Variants in PLEKHM2 observed in about 807,000 individuals in gnomAD.
The protein encoded by PLEKHM2 is pleckstrin homology and RUN domain containing M2.
In PLEKHM2, 77 loss-of-function variants were observed where a neutral mutation model predicts 116.3. The ratio of observed to expected loss-of-function variants is 0.66; its 90% CI spans 0.55 to 0.80. The LOEUF (loss-of-function observed/expected upper bound fraction) is 0.80, where lower values mean the gene tolerates loss of function less well. PLEKHM2 is among the 30% of genes least tolerant of loss of function. PLEKHM2 has a pLI of 0.00. For synonymous variants in PLEKHM2, 562 were observed against 571.0 expected (o/e 0.98, Z 0.22); for missense variants, 1,183 against 1,354.9 (o/e 0.87, Z 1.99).
At chr1:15,687,444 G>A (rs977580133) in intron 1 of PLEKHM2, among the ~76,000 whole-genome samples, 3 of 152,198 alleles carry the variant, frequency 2.0e-5, no homozygotes, top group Non-Finnish European at 4.4e-5. Flanking sequence ...AAAGTGCTGG[G>A]ATTACAGGCA....
rs1571047446 is a variant in PLEKHM2, at chr1:15,713,895, C to T, written c.61-2342C>T. On this transcript the variant is annotated intron_variant, in intron 1 of 19. Transcript: ENST00000375799. ...CCTCGTGATCCGCCCACCTCGGCCT[C>T]CCAAAGCGGTGGGATTACAGGCGTG... Among the ~76,000 whole-genome samples the T allele has an allele frequency of 2.0e-5, 3 of 151,054 alleles. No individual in the cohort carries two copies. The South Asian group carries it at 6.3e-4, about 32-fold the overall frequency.
At chr1:15,692,604 T>C (rs1571020372) in intron 1 of PLEKHM2, among the ~76,000 whole-genome samples, 1 of 152,104 alleles carries the variant, frequency 6.6e-6, no homozygotes, top group African/African-American at 2.4e-5. Flanking sequence ...ACTTTTTTCG[T>C]TTTTTGGTTT....
At chr1:15,702,485 A>T (rs1571032430) in intron 1 of PLEKHM2, among the ~76,000 whole-genome samples, 2 of 151,528 alleles carry the variant, frequency 1.3e-5, no homozygotes, top group Non-Finnish European at 1.5e-5. Context: ...GCACAATCTC[A>T]GCTCACTGTA....
chr1:15,692,308 A>C (rs1211896535), intron 1 of PLEKHM2, among the ~76,000 whole-genome samples: 1 of 152,210 alleles, frequency 6.6e-6, no homozygotes, highest in Non-Finnish European at 1.5e-5. Flanking sequence ...AAAGATTTAC[A>C]TAAAATAGTA....
rs137990328 is a variant in PLEKHM2 at position 15,718,106 on chromosome 1, C to T, written c.377+114C>T. 1,119 of 705,870 alleles carry T rather than the reference C, an allele frequency of 1.6e-3. 12 individuals carry two copies. The highest frequency in any genetic ancestry group is 0.012 in the East Asian group (451 of 36,500). The allele number at this position is 705,870 out of a possible 1,614,324, so 43.7% of individuals were successfully genotyped here. Reference sequence around the variant, plus strand: ...GTGCCACATCAGTGATGCCAGAGAGCCATTAGAACCTTGCCAGTAGCTGGG... The same window carrying T: ...GTGCCACATCAGTGATGCCAGAGAGTCATTAGAACCTTGCCAGTAGCTGGG... On this transcript the variant is annotated intron_variant, in intron 4 of 19. Coordinates refer to ENST00000375799, the MANE Select transcript of PLEKHM2 (RefSeq NM_015164.4).
At chr1:15,714,348 TAA>T (rs764341573) in intron 1 of PLEKHM2, among the ~76,000 whole-genome samples, 58 of 110,172 alleles carry the variant, frequency 5.3e-4, no homozygotes, top group Admixed American at 6.0e-4. Context: ...ATTTTGAAAT[TAA>T]AAAAAAAAAA....
chr1:15,714,838 A>G (rs1641412135), intron 1 of PLEKHM2, among the ~76,000 whole-genome samples: 1 of 152,218 alleles, frequency 6.6e-6, no homozygotes, highest in Non-Finnish European at 1.5e-5. Context: ...GCAGAACAGG[A>G]TATGGCTAAC....
intron 8 of PLEKHM2, 59 bp downstream of exon 8, chr1:15,725,604 C>G: frequency 8.1e-7 from 1 of 1,231,526 alleles, no homozygotes; most frequent in Non-Finnish European, 1.2e-6. Context: ...TGTCCACTCC[C>G]AGCATCAGCT....
At chr1:15,683,825 G>T (rs868771321), upstream of PLEKHM2, among the ~76,000 whole-genome samples, 3 of 149,958 alleles carry the variant, frequency 2.0e-5, no homozygotes, top group African/African-American at 7.4e-5. Context: ...CTCTGAGGAG[G>T]GCCGGTGTCC....
At chr1:15,711,133 A>C (rs1641323155) in intron 1 of PLEKHM2, among the ~76,000 whole-genome samples, 1 of 152,166 alleles carries the variant, frequency 6.6e-6, no homozygotes, top group Admixed American at 6.5e-5. Flanking sequence ...AGGCCAAGGC[A>C]GGAGGATCCC....
In PLEKHM2 at chr1:15,731,216, G is replaced by C; in HGVS notation, c.2424G>C (p.Pro808=). The change falls in exon 16 of 20, where the codon CCG becomes CCC. Residue 808 remains proline, a synonymous_variant. Coordinates refer to ENST00000375799, the MANE Select transcript of PLEKHM2 (RefSeq NM_015164.4). ...VLSNGILYQY[P]DRTDVIPLLS... is the part of the protein sequence containing the mutation. ...GCAACGGGATCCTCTACCAGTACCCGGACCGCACCGACGTCATCCCTCTGC... is the reference window on the plus strand; with the variant it reads ...GCAACGGGATCCTCTACCAGTACCCCGACCGCACCGACGTCATCCCTCTGC... 1 of 1,598,934 alleles carries C rather than the reference G, an allele frequency of 6.3e-7. No homozygotes were observed. The highest frequency in any genetic ancestry group is 1.1e-5 in the South Asian group (1 of 88,372).
rs369250576 is a variant in PLEKHM2, at chr1:15,733,848, G to A, written c.2974G>A (p.Glu992Lys). 1.5e-5 allele frequency: 25 copies of A among 1,612,998 alleles called. No individual in the cohort carries two copies. The highest frequency in any genetic ancestry group is 2.0e-5 in the Non-Finnish European group (24 of 1,179,848). Reference protein sequence around the residue: ...IQEASNKKKFEDALSLIHSAW... With the variant: ...IQEASNKKKFKDALSLIHSAW... Reference sequence around the variant, plus strand: ...GGAAGCCTCCAACAAGAAGAAATTCGAGGATGCCTTGAGCCTCATCCACAG... The same window carrying A: ...GGAAGCCTCCAACAAGAAGAAATTCAAGGATGCCTTGAGCCTCATCCACAG... The change falls in exon 20 of 20, where the codon GAG (glutamate) becomes AAG (lysine). Residue 992 changes from glutamate (E) to lysine (K), a missense_variant. Physicochemically the swap from Glu to Lys is moderately conservative, Grantham distance 56 (BLOSUM62 1). Around this residue, in one of 3 missense-constraint regions of PLEKHM2, gnomAD observed 594 missense variants for 720.1 expected, o/e 0.82. Coordinates refer to ENST00000375799, the MANE Select transcript of PLEKHM2 (RefSeq NM_015164.4).
chr1:15,719,119 G>C lies in PLEKHM2; in HGVS notation c.465+494G>C, dbSNP rs987024677. 1.3e-5 allele frequency among the ~76,000 whole-genome samples: 2 copies of C among 152,216 alleles called. No homozygotes were observed. The highest frequency in any genetic ancestry group is 4.8e-5 in the African/African-American group (2 of 41,520). On this transcript the variant is annotated intron_variant, in intron 5 of 19. Coordinates refer to ENST00000375799, the MANE Select transcript of PLEKHM2 (RefSeq NM_015164.4). The surrounding 1 kb of genome is among the most constrained non-coding windows in gnomAD (Gnocchi z 4.1). The stretch of plus-strand genomic sequence containing the variant: ...AGGCTCCCAGGCACCTCTTGGACTG[G>C]GCTCAAAATGGATGCAGCTGCCCCG...
At chr1:15,685,531 C>G (rs1571011840) in intron 1 of PLEKHM2, among the ~76,000 whole-genome samples, 1 of 119,482 alleles carries the variant, frequency 8.4e-6, no homozygotes, top group Non-Finnish European at 1.6e-5. Context: ...ACCAGATAGT[C>G]TCAGAAACTG....
At position 15,728,365 on chromosome 1, in the gene PLEKHM2, C is replaced by T; in HGVS notation, c.1921+8C>T. On this transcript the variant is annotated splice_region_variant and intron_variant, in intron 11 of 19. Coordinates refer to ENST00000375799, the MANE Select transcript of PLEKHM2 (RefSeq NM_015164.4). This position sits in a 1 kb window ranked among gnomAD's most constrained non-coding sequence, Gnocchi z 5.9. ...TCTACCTGCTCCGGAAAGGTGCCCG[C>T]CGCCCCCGGGCAGACAGCGGGTTGT... The T allele has an allele frequency of 6.2e-7, 1 of 1,609,268 alleles. No homozygotes were observed. Among genetic ancestry groups the T allele is most frequent in the South Asian group, 1.1e-5 (1 of 90,826 alleles).
chr1:15,729,640 C>T lies in PLEKHM2; in HGVS notation c.2076-157C>T, dbSNP rs1024138382. 2.6e-5 allele frequency among the ~76,000 whole-genome samples: 4 copies of T among 152,176 alleles called. No individual in the cohort carries two copies. Among genetic ancestry groups the T allele is most frequent in the South Asian group, 4.1e-4 (2 of 4,828 alleles). On this transcript the variant is annotated intron_variant, in intron 13 of 19. Coordinates refer to ENST00000375799, the MANE Select transcript of PLEKHM2 (RefSeq NM_015164.4). This position sits in a 1 kb window ranked among gnomAD's most constrained non-coding sequence, Gnocchi z 4.7. ...TTGTCATTTGATGACCTTGGACCTGCGTCATTGCCGCACCTGCCGCCCTGG... is the reference window on the plus strand; with the variant it reads ...TTGTCATTTGATGACCTTGGACCTGTGTCATTGCCGCACCTGCCGCCCTGG...
chr1:15,725,292 G>A, intron 7 of PLEKHM2, 25 bp from the exon 8 acceptor site: 1 of 1,524,080 alleles, frequency 6.6e-7, no homozygotes, highest in Non-Finnish European at 8.9e-7. Flanking sequence ...CTGACAGGGT[G>A]TCTCCTGCTT....
At chr1:15,715,166 C>A (rs1327056146) in intron 1 of PLEKHM2, among the ~76,000 whole-genome samples, 1 of 117,152 alleles carries the variant, frequency 8.5e-6, no homozygotes, top group African/African-American at 4.8e-5. Context: ...GTCAAGAAGG[C>A]TGGCAAGAAG....
At chr1:15,698,917 C>A (rs777000958) in intron 1 of PLEKHM2, among the ~76,000 whole-genome samples, 1 of 152,050 alleles carries the variant, frequency 6.6e-6, no homozygotes, top group African/African-American at 2.4e-5. Context: ...GGTTCTTATG[C>A]GGGGGTGATT....
Sources: gnomAD v4.1 joint callset for allele counts (sites outside exome capture counted in the v4.1 genomes callset) on GRCh38, gnomAD v4.1.1 for gene constraint, gnomAD v4.1.1 regional missense constraint, Gnocchi (gnomAD v3.1) non-coding constraint, MANE v1.5 for transcripts, NCBI Gene and HGNC (gene_info 2026-07-23, HGNC 2026-07-21) for gene names.